The following NFIB variants were observed in gnomAD, a reference collection of about 807,000 sequenced individuals.
NFIB encodes the protein nuclear factor I B.
Under a neutral mutation model 61.5 loss-of-function variants are expected in NFIB, and 11 were observed. That is an observed-to-expected ratio of 0.18 (90% CI 0.11 to 0.30). NFIB has a LOEUF of 0.30. Among genes scored for constraint, NFIB ranks in the 10% least tolerant of loss-of-function variants. The pLI is 1.00. For synonymous variants in NFIB, 260 were observed against 216.5 expected, an observed-to-expected ratio of 1.20 and a Z score of -1.76; for missense variants, 471 against 608.9, an observed-to-expected ratio of 0.77 and a Z score of 2.38.
At chr9:14,315,791 TG>T (rs2060520444), upstream of NFIB, among the ~76,000 whole-genome samples, 1 of 151,510 alleles carries the variant, frequency 6.6e-6, no homozygotes, top group East Asian at 2.0e-4. Context: ...TTGGGGTGGA[TG>T]GGGACGAGGG....
At chr9:14,318,146 T>C (rs974105721), upstream of NFIB, among the ~76,000 whole-genome samples, 2 of 152,150 alleles carry the variant, frequency 1.3e-5, no homozygotes, top group Admixed American at 1.3e-4. Context: ...GGAAACTCTG[T>C]TATTTCAGTA....
rs1010149788 is a variant in NFIB at position 14,211,852 on chromosome 9, G to A, written c.563-32072C>T. On this transcript the variant is annotated intron_variant, in intron 2 of 10. Transcript: ENST00000380953. ...TGAATATTGTACTTTCAATAAAGGA[G>A]GTATACACTTTAGAAAGCTCTTCAG... Among the ~76,000 whole-genome samples the A allele has an allele frequency of 2.0e-5, 3 of 152,266 alleles. No individual in the cohort carries two copies. In the East Asian group the frequency reaches 5.8e-4, roughly 29 times the overall value.
chr9:14,089,518 T>C (rs2033505615), intron 10 of NFIB, among the ~76,000 whole-genome samples: 1 of 152,130 alleles, frequency 6.6e-6, no homozygotes, highest in Non-Finnish European at 1.5e-5. Context: ...ATCTAATGTA[T>C]TGCCTGTTCC....
the NFIB span, among the ~76,000 whole-genome samples, chr9:14,467,988 G>A: frequency 9.7e-4 from 147 of 152,276 alleles, no homozygotes; most frequent in Non-Finnish European, 1.0e-4. Context: ...TTAATCCTGT[G>A]GAGATGTCAC....
At chr9:14,137,780 C>T (rs1325661828) in intron 6 of NFIB, among the ~76,000 whole-genome samples, 1 of 151,994 alleles carries the variant, frequency 6.6e-6, no homozygotes, top group Non-Finnish European at 1.5e-5. Context: ...CCATATATCA[C>T]ACACTTCTAC....
At chr9:14,465,822 A>G in the NFIB span, among the ~76,000 whole-genome samples, 4 of 152,226 alleles carry the variant, frequency 2.6e-5, no homozygotes, top group Admixed American at 2.6e-4. Flanking sequence ...GCACTGTACG[A>G]TGTTAAGCAG....
At chr9:14,425,508 C>T in the NFIB span, among the ~76,000 whole-genome samples, 1 of 151,288 alleles carries the variant, frequency 6.6e-6, no homozygotes, top group Non-Finnish European at 1.5e-5. Flanking sequence ...AAAAGGGGCA[C>T]AGATGATTGA....
intron 6 of NFIB, among the ~76,000 whole-genome samples, chr9:14,138,756 A>G (rs1478505985): frequency 1.3e-5 from 2 of 152,176 alleles, no homozygotes; most frequent in African/African-American, 4.8e-5. Context: ...CCAGGCCAAA[A>G]GACTTCTTAA....
chr9:14,213,356 C>G (rs1168371316), intron 2 of NFIB, among the ~76,000 whole-genome samples: 1 of 152,176 alleles, frequency 6.6e-6, no homozygotes, highest in Non-Finnish European at 1.5e-5. Context: ...CATAAGGGAT[C>G]TGTAATAAAC....
At chr9:14,090,114 A>T (rs796402954) in intron 10 of NFIB, among the ~76,000 whole-genome samples, 11 of 151,970 alleles carry the variant, frequency 7.2e-5, no homozygotes, top group African/African-American at 2.2e-4. Context: ...AAGATTACAT[A>T]TACTCATGAA....
chr9:14,433,027 G>A, the NFIB span, among the ~76,000 whole-genome samples: 1 of 152,096 alleles, frequency 6.6e-6, no homozygotes, highest in South Asian at 2.1e-4. Flanking sequence ...TTGCTAGGCT[G>A]TCTGTGAGAC....
chr9:14,327,480 C>T (rs183639825), intron 1 of NFIB, among the ~76,000 whole-genome samples: 15 of 152,306 alleles, frequency 9.8e-5, no homozygotes, highest in Non-Finnish European at 1.8e-4. Flanking sequence ...TACAAACACA[C>T]ATTGCATGCT....
the NFIB span, among the ~76,000 whole-genome samples, chr9:14,419,024 GA>G: frequency 6.6e-6 from 1 of 151,998 alleles, no homozygotes; most frequent in Non-Finnish European, 1.5e-5. Context: ...TGTATCTAAT[GA>G]ATTTAAATTC....
chr9:14,336,056 T>G (rs2060882800), intron 1 of NFIB, among the ~76,000 whole-genome samples: 2 of 152,228 alleles, frequency 1.3e-5, no homozygotes, highest in African/African-American at 4.8e-5. Flanking sequence ...AATTCCACAC[T>G]GTCTTAGTTA....
At chr9:14,479,358 T>C in the NFIB span, among the ~76,000 whole-genome samples, 4 of 152,170 alleles carry the variant, frequency 2.6e-5, no homozygotes, top group South Asian at 4.1e-4. Context: ...GACTTCCAAA[T>C]GAAACTTCTT....
chr9:14,378,785 G>A (rs1422124621), intron 1 of NFIB, among the ~76,000 whole-genome samples: 1 of 152,194 alleles, frequency 6.6e-6, no homozygotes, highest in Non-Finnish European at 1.5e-5. Context: ...GCATAGGACC[G>A]TGATTGTTAC....
chr9:14,113,477 A>G (rs1190642440), intron 9 of NFIB, among the ~76,000 whole-genome samples: 1 of 152,232 alleles, frequency 6.6e-6, no homozygotes, highest in African/African-American at 2.4e-5. Flanking sequence ...CTAAATGTAA[A>G]GCAGACTGAA....
the NFIB span, among the ~76,000 whole-genome samples, chr9:14,409,815 G>T: frequency 5.3e-5 from 8 of 152,328 alleles, no homozygotes; most frequent in African/African-American, 1.9e-4. Flanking sequence ...AATATCTTCA[G>T]TCTGATAAGA....
Position 14,084,765 on chromosome 9 carries a change from C to A in NFIB, c.*3544G>T. 4.4e-6 allele frequency: 1 copy of A among 229,542 alleles called. No homozygotes were observed. The highest frequency in any genetic ancestry group is 8.6e-6 in the Non-Finnish European group (1 of 115,776). 14.2% of individuals were successfully genotyped at this position (229,542 alleles called of 1,614,324 possible). On this transcript the variant is annotated 3_prime_UTR_variant, in exon 11 of 11. Transcript: ENST00000380953. ...GGGGCCCTTCGTCAGAATATACTTC[C>A]TGGTACACGAGGAGGAGGCCGAAAA... is the stretch of plus-strand genomic sequence containing the variant.
Sources: allele counts gnomAD v4.1 joint callset (sites outside exome capture counted in the v4.1 genomes callset), GRCh38; gene constraint gnomAD v4.1.1; transcripts MANE v1.5; gene names NCBI Gene and HGNC (gene_info 2026-07-23, HGNC 2026-07-21).